The following NME7 variants were observed in gnomAD, a reference collection of about 807,000 sequenced individuals.
The protein encoded by NME7 is NME/NM23 family member 7.
NME7 carries 41 observed loss-of-function variants against 49.1 expected under a neutral mutation model. The ratio of observed to expected loss-of-function variants is 0.83; its 90% confidence interval spans 0.65 to 1.08. The LOEUF (loss-of-function observed/expected upper bound fraction) is 1.08. Among genes scored for constraint, NME7 ranks in the 50% least tolerant of loss-of-function variants. NME7 has a pLI of 0.00. For synonymous variants in NME7, 139 were observed against 150.6 expected, an observed-to-expected ratio of 0.92 and a Z score of 0.56; for missense variants, 423 against 463.4, an observed-to-expected ratio of 0.91 and a Z score of 0.80.
chr1:169,367,153 A>AG (rs1491580785), intron 1 of NME7, among the ~76,000 whole-genome samples: 1 of 142,012 alleles, frequency 7.0e-6, no homozygotes, highest in Non-Finnish European at 1.6e-5. Flanking sequence ...TAAAAAAAAA[A>AG]GAAGAAGAAA....
At chr1:169,365,004 A>T (rs1483163831) in intron 1 of NME7, among the ~76,000 whole-genome samples, 1 of 152,208 alleles carries the variant, frequency 6.6e-6, no homozygotes, top group Non-Finnish European at 1.5e-5. Context: ...TTTAGATAAC[A>T]TCACTATTGT....
chr1:169,332,285 G>A (rs1652286240), intron 1 of NME7, among the ~76,000 whole-genome samples: 1 of 151,986 alleles, frequency 6.6e-6, no homozygotes, highest in Non-Finnish European at 1.5e-5. Context: ...AATGAAACTA[G>A]ACCCCCTATC....
Position 169,279,640 on chromosome 1 carries a change from C to T in NME7, c.754+7663G>A, listed in dbSNP as rs187523882. ...GAACTCCCTGACCCCTTGCACTTCC[C>T]GAGTGAGGCAATGCCTCGCCCTGCT... On this transcript the variant is annotated intron_variant, in intron 7 of 11. Transcript: ENST00000367811. Among the ~76,000 whole-genome samples, 840 of 152,302 alleles carry T rather than the reference C, an allele frequency of 5.5e-3. 7 individuals are homozygous for T. The highest frequency in any genetic ancestry group is 0.019 in the African/African-American group (788 of 41,552).
intron 11 of NME7, among the ~76,000 whole-genome samples, chr1:169,138,436 G>A (rs766626011): frequency 6.6e-6 from 1 of 152,154 alleles, no homozygotes; most frequent in Non-Finnish European, 1.5e-5. Flanking sequence ...AAGGCCAGGT[G>A]CAGTGGCTCA....
At chr1:169,211,493 T>C (rs1471867247) in intron 10 of NME7, among the ~76,000 whole-genome samples, 1 of 152,170 alleles carries the variant, frequency 6.6e-6, no homozygotes, top group African/African-American at 2.4e-5. Flanking sequence ...TACAGCTAAA[T>C]CACCTGGAAA....
chr1:169,295,555 C>T (rs1252182997), intron 6 of NME7, among the ~76,000 whole-genome samples: 1 of 152,112 alleles, frequency 6.6e-6, no homozygotes, highest in Non-Finnish European at 1.5e-5. Context: ...AAGATATGGT[C>T]AAAGACTATA....
intron 4 of NME7, among the ~76,000 whole-genome samples, chr1:169,307,591 C>T (rs536548466): frequency 1.3e-5 from 2 of 152,240 alleles, no homozygotes; most frequent in Non-Finnish European, 2.9e-5. Context: ...TCTTCATGTG[C>T]TATAGGGCCA....
intron 11 of NME7, among the ~76,000 whole-genome samples, chr1:169,149,186 C>CA (rs1304623368): frequency 6.6e-6 from 1 of 152,082 alleles, no homozygotes; most frequent in Non-Finnish European, 1.5e-5. Flanking sequence ...ACCAAAAACA[C>CA]AAACAATAGC....
intron 11 of NME7, among the ~76,000 whole-genome samples, chr1:169,164,017 G>A (rs890794371): frequency 6.6e-6 from 1 of 151,684 alleles, no homozygotes; most frequent in Non-Finnish European, 1.5e-5. Flanking sequence ...GGCTGAGGCA[G>A]GAGAATAGCT....
chr1:169,356,794 C>T (rs1050302555), intron 1 of NME7, among the ~76,000 whole-genome samples: 3 of 152,202 alleles, frequency 2.0e-5, no homozygotes, highest in East Asian at 1.9e-4. Context: ...TTTCCAAATG[C>T]GTTCCAGTAA....
rs529655942 is a variant in NME7 at position 169,161,056 on chromosome 1, G to C, written c.1098+8391C>G. Among the ~76,000 whole-genome samples the C allele has an allele frequency of 5.3e-5, 8 of 152,276 alleles. No individual in the cohort carries two copies. The South Asian group carries it at 1.7e-3, about 32-fold the overall frequency. ...CCTTTCATCTGTTCTCTATACTGCA[G>C]CCAGAGTGACCTCTATAACACAGGT... On this transcript the variant is annotated intron_variant, in intron 11 of 11. Transcript: ENST00000367811.
intron 3 of NME7, among the ~76,000 whole-genome samples, chr1:169,314,673 G>A (rs1423441045): frequency 1.3e-5 from 2 of 151,956 alleles, no homozygotes; most frequent in African/African-American, 2.4e-5. Flanking sequence ...CTAGATGATA[G>A]GTTGAAAGGT....
intron 11 of NME7, among the ~76,000 whole-genome samples, chr1:169,159,489 A>T (rs950310897): frequency 2.0e-5 from 3 of 152,140 alleles, no homozygotes; most frequent in African/African-American, 7.2e-5. Context: ...ACCCACCAAC[A>T]TGGAGGCCAT....
chr1:169,310,469 T>G (rs1011638), intron 3 of NME7, among the ~76,000 whole-genome samples: 1 of 151,990 alleles, frequency 6.6e-6, no homozygotes, highest in African/African-American at 2.4e-5. Context: ...CTCTTAGACT[T>G]CAACATATGT....
intron 10 of NME7, among the ~76,000 whole-genome samples, chr1:169,171,461 T>C (rs896514948): frequency 6.6e-6 from 1 of 152,190 alleles, no homozygotes; most frequent in African/African-American, 2.4e-5. Context: ...ACTTGAAATC[T>C]GAAGAGGTTC....
chr1:169,323,395 T>C (rs1651930088), intron 2 of NME7, 112 bp from the exon 3 acceptor site: 1 of 801,178 alleles, frequency 1.2e-6, no homozygotes, highest in Admixed American at 3.4e-5. Context: ...CAAAGATAGG[T>C]TATATTCTGT....
chr1:169,181,336 A>G (rs995612856), intron 10 of NME7, among the ~76,000 whole-genome samples: 4 of 151,442 alleles, frequency 2.6e-5, no homozygotes, highest in Middle Eastern at 3.2e-3. Flanking sequence ...TAAGACTGAT[A>G]TCAAGAGATT....
chr1:169,325,695 T>C (rs915601975), intron 1 of NME7, among the ~76,000 whole-genome samples: 1 of 152,176 alleles, frequency 6.6e-6, no homozygotes, highest in African/African-American at 2.4e-5. Flanking sequence ...TTTAAGTTAA[T>C]AATTGACTTA....
rs1212391058 is a variant in NME7, at chr1:169,359,281, AT to A, written c.3+8426del. Among the ~76,000 whole-genome samples the A allele has an allele frequency of 6.6e-3, 979 of 147,902 alleles. 11 individuals are homozygous for A. Among genetic ancestry groups the A allele is most frequent in the African/African-American group, 0.022 (899 of 40,492 alleles). On this transcript the variant is annotated intron_variant, in intron 1 of 11. Transcript: ENST00000367811. ...TTGTATTTTTTATCATTGTATTGTTATTTTTTTTTTTCAAATATTTTCAATC... is the reference window on the plus strand; with the variant it reads ...TTGTATTTTTTATCATTGTATTGTTATTTTTTTTTTCAAATATTTTCAATC...
Sources: allele counts gnomAD v4.1 joint callset (sites outside exome capture counted in the v4.1 genomes callset), GRCh38; gene constraint gnomAD v4.1.1; transcripts MANE v1.5; gene names NCBI Gene and HGNC (gene_info 2026-07-23, HGNC 2026-07-21).